NR1D2: variants seen among roughly 807,000 people sequenced by gnomAD.
NR1D2 encodes nuclear receptor subfamily 1 group D member 2, also known as V-erbA-related protein 1-related.
In NR1D2, 25 loss-of-function variants were observed where a neutral mutation model predicts 52.2. The ratio of observed to expected loss-of-function variants is 0.48; its 90% CI spans 0.35 to 0.67. The LOEUF (loss-of-function observed/expected upper bound fraction) is 0.67, where lower values mean the gene tolerates loss of function less well. Among genes scored for constraint, NR1D2 ranks in the 30% least tolerant of loss-of-function variants. The pLI, the probability that NR1D2 is intolerant of heterozygous loss-of-function variation, is 0.01. For synonymous variants in NR1D2, 259 were observed against 230.1 expected (o/e 1.13, Z -1.14); for missense variants, 681 against 707.2 (o/e 0.96, Z 0.42).
intron 3 of NR1D2, among the ~76,000 whole-genome samples, chr3:23,959,270 A>G (rs1706174653): frequency 1.3e-5 from 2 of 152,060 alleles, no homozygotes; most frequent in African/African-American, 4.8e-5. Flanking sequence ...TCTCAAAAAA[A>G]AAAAAAAAAA....
At chr3:23,964,171 C>T (rs1244101678) in intron 5 of NR1D2, among the ~76,000 whole-genome samples, 2 of 151,756 alleles carry the variant, frequency 1.3e-5, no homozygotes, top group African/African-American at 2.4e-5. Context: ...CTCCGCCTCC[C>T]GGTTCAAGTG....
Position 23,975,367 on chromosome 3 carries a change from T to G in NR1D2, c.1544-1856T>G, listed in dbSNP as rs1176825989. Among the ~76,000 whole-genome samples, 4 of 151,580 alleles carry G rather than the reference T, an allele frequency of 2.6e-5. No individual in the cohort carries two copies. In the East Asian group the frequency reaches 7.8e-4, roughly 29 times the overall value. Reference sequence around the variant, plus strand: ...TCAAACTCCTAAGCTCAAGCAATCCTCCTGCCTCGGCCTTCCAAAGTGCTG... The same window carrying G: ...TCAAACTCCTAAGCTCAAGCAATCCGCCTGCCTCGGCCTTCCAAAGTGCTG... On this transcript the variant is annotated intron_variant, in intron 7 of 7. Transcript: ENST00000312521.
At chr3:23,950,902 C>CTTTTTTT (rs1181448290) in intron 1 of NR1D2, among the ~76,000 whole-genome samples, 30 of 123,088 alleles carry the variant, frequency 2.4e-4, no homozygotes, top group East Asian at 4.3e-4. Flanking sequence ...CTTTCTTTTT[C>CTTTTTTT]TTTTTTTTTT....
intron 7 of NR1D2, among the ~76,000 whole-genome samples, chr3:23,972,708 T>A (rs1357687076): frequency 6.6e-6 from 1 of 152,198 alleles, no homozygotes; most frequent in East Asian, 1.9e-4. Flanking sequence ...AGAAGTGTCA[T>A]AAATTAAACT....
chr3:23,959,623 T>A, intron 3 of NR1D2, 48 bp from the exon 4 acceptor site: 1 of 1,578,642 alleles, frequency 6.3e-7, no homozygotes, highest in South Asian at 1.2e-5. Context: ...TATAAGAAGT[T>A]CATTTGGGTG....
At chr3:23,961,413 T>A (rs13083320) in intron 4 of NR1D2, among the ~76,000 whole-genome samples, 1 of 133,516 alleles carries the variant, frequency 7.5e-6, no homozygotes, top group African/African-American at 2.8e-5. Context: ...TTTTTTTTTT[T>A]AAGATGGAGT....
intron 4 of NR1D2, among the ~76,000 whole-genome samples, chr3:23,961,520 A>G (rs1228516214): frequency 6.7e-6 from 1 of 149,426 alleles, no homozygotes; most frequent in Admixed American, 6.8e-5. Context: ...CTCAGTCTCC[A>G]GAATAGCTGG....
chr3:23,946,134 C>T (rs1244441157), intron 1 of NR1D2: 2 of 984,952 alleles, frequency 2.0e-6, no homozygotes, highest in African/African-American at 1.7e-5. Flanking sequence ...TCCTCCCCCG[C>T]GGGGTTGCAC....
intron 4 of NR1D2, 21 bp downstream of exon 4, chr3:23,959,836 G>A: frequency 6.2e-7 from 1 of 1,605,442 alleles, no homozygotes; most frequent in Non-Finnish European, 8.5e-7. Flanking sequence ...AGTTTAAAGA[G>A]TGTTCCTAAA....
In NR1D2 at chr3:23,978,122, C is replaced by G. The variant is rs767265395; in HGVS notation, c.*703C>G. 1.3e-5 allele frequency: 2 copies of G among 152,136 alleles called. No homozygotes were observed. The highest frequency in any genetic ancestry group is 2.9e-5 in the Non-Finnish European group (2 of 68,014). 9.4% of individuals were successfully genotyped at this position (152,136 alleles called of 1,614,324 possible). A position where few individuals can be genotyped will look rare whatever the true frequency, so the allele number is the denominator to read the frequency against. On this transcript the variant is annotated 3_prime_UTR_variant, in exon 8 of 8. Transcript: ENST00000312521. Reference sequence around the variant, plus strand: ...TCTAAGCCTTTCTGGGAAATCATTTCAGTCCACACCAACCATATTATTCAG... The same window carrying G: ...TCTAAGCCTTTCTGGGAAATCATTTGAGTCCACACCAACCATATTATTCAG...
At chr3:23,976,359 G>C (rs1559339524) in intron 7 of NR1D2, among the ~76,000 whole-genome samples, 1 of 152,248 alleles carries the variant, frequency 6.6e-6, no homozygotes. Flanking sequence ...TGATATGAGA[G>C]ATAGGATATG....
chr3:23,965,862 G>C (rs1380942817), intron 6 of NR1D2, among the ~76,000 whole-genome samples: 1 of 152,192 alleles, frequency 6.6e-6, no homozygotes, highest in Non-Finnish European at 1.5e-5. Context: ...AGGGCAAATA[G>C]AATGTGATTT....
At chr3:23,956,848 G>A (rs1164961985) in intron 3 of NR1D2, among the ~76,000 whole-genome samples, 1 of 152,114 alleles carries the variant, frequency 6.6e-6, no homozygotes, top group Admixed American at 6.5e-5. Context: ...GAAGACACAT[G>A]TTCTTGCTGT....
Position 23,962,195 on chromosome 3 carries a change from T to C in NR1D2, c.736T>C (p.Ser246Pro), listed in dbSNP as rs1473849495. ...CATCAAAAGCTCTTCTCCTCCATCTTCTGATTTTGCAAAGGAAGAAGTGAT... is the reference window on the plus strand; with the variant it reads ...CATCAAAAGCTCTTCTCCTCCATCTCCTGATTTTGCAAAGGAAGAAGTGAT... ...ENIKSSSPPS[S>P]DFAKEEVIGM... Residue 246 changes from serine (S) to proline (P), a missense_variant, in exon 5 of 8, where the codon TCT (serine) becomes CCT (proline). Physicochemically the swap from Ser to Pro is moderately conservative, Grantham distance 74. Transcript: ENST00000312521. The C allele has an allele frequency of 6.2e-7, 1 of 1,614,106 alleles. No homozygotes were observed.
At chr3:23,971,302 T>TC (rs1706582881) in intron 7 of NR1D2, among the ~76,000 whole-genome samples, 1 of 123,978 alleles carries the variant, frequency 8.1e-6, no homozygotes, top group Non-Finnish European at 1.7e-5. Flanking sequence ...TCTCTATACC[T>TC]ATTTTTTTTT....
chr3:23,979,740 A>G lies in NR1D2; in HGVS notation c.*2321A>G, dbSNP rs879172037. Reference sequence around the variant, plus strand: ...TCTAAAATTAAACCAGCAGCCTATTACAAGCACATTCTTTGATTGAGTCAT... The same window carrying G: ...TCTAAAATTAAACCAGCAGCCTATTGCAAGCACATTCTTTGATTGAGTCAT... On this transcript the variant is annotated 3_prime_UTR_variant, in exon 8 of 8. Transcript: ENST00000312521. 6.6e-6 allele frequency: 1 copy of G among 152,152 alleles called. No homozygotes were observed. The highest frequency in any genetic ancestry group is 2.1e-4 in the South Asian group (1 of 4,834). The allele number at this position is 152,152 out of a possible 1,614,324, so 9.4% of individuals were successfully genotyped here.
chr3:23,950,902 C>CTTTTTCTTTTTTTTTTTTTTTTTTTTTT (rs1351954635), intron 1 of NR1D2, among the ~76,000 whole-genome samples: 1 of 123,104 alleles, frequency 8.1e-6, no homozygotes, highest in African/African-American at 3.3e-5. Flanking sequence ...CTTTCTTTTT[C>CTTTTTCTTTTTTTTTTTTTTTTTTTTTT]TTTTTTTTTT....
At chr3:23,969,554 G>C (rs1478391804) in intron 7 of NR1D2, among the ~76,000 whole-genome samples, 1 of 152,192 alleles carries the variant, frequency 6.6e-6, no homozygotes, top group Non-Finnish European at 1.5e-5. Context: ...TAAGTAATTA[G>C]TATTGGTTTG....
At chr3:23,966,915 A>G (rs1706463245) in intron 6 of NR1D2, among the ~76,000 whole-genome samples, 1 of 152,098 alleles carries the variant, frequency 6.6e-6, no homozygotes, top group Non-Finnish European at 1.5e-5. Flanking sequence ...TTGTATTCTC[A>G]GCTATTCAGG....
Sources: allele counts gnomAD v4.1 joint callset (sites outside exome capture counted in the v4.1 genomes callset), GRCh38; gene constraint gnomAD v4.1.1; transcripts MANE v1.5; gene names NCBI Gene and HGNC (gene_info 2026-07-23, HGNC 2026-07-21).